Variants in PDS5B observed in about 807,000 individuals in gnomAD.
PDS5B encodes the protein sister chromatid cohesion protein PDS5 homolog B.
PDS5B carries 51 observed loss-of-function variants against 184.1 expected under a neutral mutation model. The ratio of observed to expected loss-of-function variants is 0.28; its 90% CI spans 0.22 to 0.35. The LOEUF is 0.35. Ranked by LOEUF, PDS5B falls within the 10% of genes least tolerant of loss-of-function variation. The probability of loss-of-function intolerance (pLI) is 1.00; values close to 1 mark genes in which losing one functional copy is unlikely to be tolerated. For synonymous variants in PDS5B, 566 were observed against 569.2 expected (o/e 0.99, Z 0.08); for missense variants, 1,180 against 1,723.3 (o/e 0.68, Z 5.58).
chr13:32,712,804 G>A (rs945728897), intron 19 of PDS5B, among the ~76,000 whole-genome samples: 1 of 152,260 alleles, frequency 6.6e-6, no homozygotes, highest in Non-Finnish European at 1.5e-5. Flanking sequence ...TTTTCTTTAG[G>A]TCAACCTGTT....
At chr13:32,638,397 A>G (rs1035284222) in intron 1 of PDS5B, among the ~76,000 whole-genome samples, 10 of 152,202 alleles carry the variant, frequency 6.6e-5, no homozygotes, top group Non-Finnish European at 1.2e-4. Context: ...TGGCAAAAGC[A>G]TTTTGCTGAT....
intron 11 of PDS5B, among the ~76,000 whole-genome samples, chr13:32,685,042 G>A (rs1390950421): frequency 6.6e-6 from 1 of 152,212 alleles, no homozygotes; most frequent in East Asian, 1.9e-4. Flanking sequence ...GAACCTGGGA[G>A]GCAGAGCTTC....
chr13:32,609,753 G>A (rs2058112668), intron 1 of PDS5B, among the ~76,000 whole-genome samples: 1 of 152,124 alleles, frequency 6.6e-6, no homozygotes, highest in Admixed American at 6.5e-5. Context: ...TTCATCTTTT[G>A]TTGGTCATGA....
At chr13:32,730,831 T>C (rs1953092902) in intron 19 of PDS5B, among the ~76,000 whole-genome samples, 1 of 152,222 alleles carries the variant, frequency 6.6e-6, no homozygotes, top group South Asian at 2.1e-4. Context: ...GTTTCTCAGC[T>C]TAAGGAGTCT....
At chr13:32,624,456 A>T (rs1314992078) in intron 1 of PDS5B, among the ~76,000 whole-genome samples, 1 of 152,132 alleles carries the variant, frequency 6.6e-6, no homozygotes, top group African/African-American at 2.4e-5. Flanking sequence ...ACTTTTCATT[A>T]AAGTATTTAT....
chr13:32,688,615 T>G (rs1464027991), intron 13 of PDS5B, 46 bp downstream of exon 13: 1 of 1,089,370 alleles, frequency 9.2e-7, no homozygotes, highest in Non-Finnish European at 1.4e-6. Context: ...CTTTGCAATA[T>G]ATTGGATTTT....
At chr13:32,766,043 A>G (rs1954576470) in intron 31 of PDS5B, among the ~76,000 whole-genome samples, 1 of 152,264 alleles carries the variant, frequency 6.6e-6, no homozygotes, top group Non-Finnish European at 1.5e-5. Flanking sequence ...ATCTGGATTT[A>G]CAGAAGAAAA....
At chr13:32,679,915 G>T (rs796302467) in intron 10 of PDS5B, among the ~76,000 whole-genome samples, 7 of 147,756 alleles carry the variant, frequency 4.7e-5, no homozygotes, top group Admixed American at 2.7e-4. Context: ...GTGTGTGTGT[G>T]TCTGTTTCTA....
intron 1 of PDS5B, among the ~76,000 whole-genome samples, chr13:32,628,617 G>GT (rs1171869099): frequency 6.8e-6 from 1 of 148,024 alleles, no homozygotes; most frequent in Non-Finnish European, 1.5e-5. Flanking sequence ...TTTTTTTGGT[G>GT]TTTTTTATTG....
Position 32,630,789 on chromosome 13 carries a change from CT to C in PDS5B, c.-19-17950del, listed in dbSNP as rs59791239. On this transcript the variant is annotated intron_variant, in intron 1 of 34. Coordinates refer to ENST00000315596, the MANE Select transcript of PDS5B (RefSeq NM_015032.4). ...CAAGCTAAAACAGTTCTCTTCCTTA[CT>C]TTTTTTTTTTTTTTCAGACGGAGTC... is the stretch of plus-strand genomic sequence containing the variant. Among the ~76,000 whole-genome samples the C allele has an allele frequency of 4.3e-3, 603 of 141,692 alleles. 3 individuals carry two copies. Among genetic ancestry groups the C allele is most frequent in the South Asian group, 9.9e-3 (44 of 4,444 alleles). 93.0% of individuals were successfully genotyped at this position (141,692 alleles called of 152,430 possible). A position where few individuals can be genotyped will look rare whatever the true frequency, so the allele number is the denominator to read the frequency against.
Position 32,764,550 on chromosome 13 carries a change from C to G in PDS5B, c.3580C>G (p.Pro1194Ala), listed in dbSNP as rs776388530. Residue 1194 changes from proline (P) to alanine (A), a missense_variant, in exon 31 of 35, where the codon CCG becomes GCG. Physicochemically the swap from Pro to Ala is conservative, Grantham distance 27. Coordinates refer to ENST00000315596, the MANE Select transcript of PDS5B (RefSeq NM_015032.4). ...AGATTACACAATGTCTTCACCTTTG[C>G]CGGGGAAAAAAAGTGACAAGAGAGA... ...NEDYTMSSPLPGKKSDKRDDS... is the reference protein window; with the variant it reads ...NEDYTMSSPLAGKKSDKRDDS... The G allele has an allele frequency of 2.5e-6, 4 of 1,605,506 alleles. No individual in the cohort carries two copies. Among genetic ancestry groups the G allele is most frequent in the Non-Finnish European group, 3.4e-6 (4 of 1,175,484 alleles).
At chr13:32,619,174 T>C (rs1446803922) in intron 1 of PDS5B, among the ~76,000 whole-genome samples, 2 of 218 alleles carry the variant, frequency 9.2e-3, no homozygotes, top group African/African-American at 0.036. Flanking sequence ...AGGTACCCTG[T>C]TGGGGGGAGA....
At chr13:32,588,158 G>A (rs188904803) in intron 1 of PDS5B, among the ~76,000 whole-genome samples, 54 of 152,172 alleles carry the variant, frequency 3.5e-4, no homozygotes, top group Non-Finnish European at 2.1e-4. Flanking sequence ...GCATCTTTAG[G>A]GACAATAAAA....
intron 17 of PDS5B, among the ~76,000 whole-genome samples, chr13:32,705,926 T>TA (rs1191206454): frequency 1.3e-5 from 2 of 152,150 alleles, no homozygotes; most frequent in Non-Finnish European, 2.9e-5. Flanking sequence ...TTCAGCCTCC[T>TA]AAGTGGCTGT....
intron 24 of PDS5B, among the ~76,000 whole-genome samples, chr13:32,750,493 CT>C (rs1276322865): frequency 6.6e-6 from 1 of 152,092 alleles, no homozygotes; most frequent in Admixed American, 6.6e-5. Context: ...GGGTAGATAA[CT>C]TTCTGTGAAA....
At chr13:32,770,093 A>G (rs758656276) in intron 31 of PDS5B, 28 bp from the exon 32 acceptor site, 10 of 1,545,220 alleles carry the variant, frequency 6.5e-6, no homozygotes, top group Non-Finnish European at 8.7e-6. Flanking sequence ...TTTCATAACC[A>G]TAAATTGTGA....
intron 19 of PDS5B, among the ~76,000 whole-genome samples, chr13:32,727,020 A>G (rs888212194): frequency 2.4e-4 from 36 of 152,112 alleles, no homozygotes; most frequent in South Asian, 1.2e-3. Context: ...TTTGAATCCA[A>G]TTTGACAAAC....
At chr13:32,717,996 C>T (rs1020841257) in intron 19 of PDS5B, among the ~76,000 whole-genome samples, 5 of 141,844 alleles carry the variant, frequency 3.5e-5, no homozygotes, top group African/African-American at 7.9e-5. Context: ...AATAATAAAG[C>T]GAGAATATAT....
chr13:32,710,363 A>C (rs2140893703), intron 19 of PDS5B, among the ~76,000 whole-genome samples: 1 of 152,334 alleles, frequency 6.6e-6, no homozygotes, highest in East Asian at 1.9e-4. Flanking sequence ...ATTATGGCAT[A>C]GAATAAACAA....
Sources: gnomAD v4.1 joint callset for allele counts (sites outside exome capture counted in the v4.1 genomes callset) on GRCh38, gnomAD v4.1.1 for gene constraint, MANE v1.5 for transcripts, NCBI Gene and HGNC (gene_info 2026-07-23, HGNC 2026-07-21) for gene names.